The following NLGN1 variants were observed in gnomAD, a reference collection of about 807,000 sequenced individuals.
NLGN1 encodes neuroligin-1.
In NLGN1, 12 loss-of-function variants were observed where a neutral mutation model predicts 65.5. That is an observed-to-expected ratio of 0.18 (90% CI 0.12 to 0.30). The LOEUF (loss-of-function observed/expected upper bound fraction) is 0.30. Ranked by LOEUF, NLGN1 falls within the 10% of genes least tolerant of loss-of-function variation. NLGN1 has a pLI of 1.00. For synonymous variants in NLGN1, 350 were observed against 359.5 expected (o/e 0.97, Z 0.30); for missense variants, 750 against 1,007.1 (o/e 0.74, Z 3.46).
chr3:173,401,637 T>C (rs910696262), intron 1 of NLGN1, among the ~76,000 whole-genome samples: 1 of 151,964 alleles, frequency 6.6e-6, no homozygotes, highest in Non-Finnish European at 1.5e-5. Context: ...AACTGAGAGG[T>C]TGGAAGATAG....
chr3:174,000,383 A>T (rs1043662325), intron 4 of NLGN1, among the ~76,000 whole-genome samples: 6 of 152,148 alleles, frequency 3.9e-5, no homozygotes, highest in Admixed American at 3.9e-4. Flanking sequence ...TAATTTATAT[A>T]TGTAACAAAT....
intron 4 of NLGN1, among the ~76,000 whole-genome samples, chr3:173,826,628 TTAA>T (rs1328545743): frequency 1.3e-5 from 2 of 152,128 alleles, no homozygotes; most frequent in East Asian, 1.9e-4. Flanking sequence ...GCCGAGGGTG[TTAA>T]TGATGATTCA....
intron 4 of NLGN1, among the ~76,000 whole-genome samples, chr3:174,144,857 G>C (rs140476625): frequency 1.3e-5 from 2 of 152,250 alleles, no homozygotes; most frequent in Non-Finnish European, 2.9e-5. Context: ...GTAGGTGGCT[G>C]TTCACTCTAA....
chr3:173,662,744 G>C (rs912615060), intron 3 of NLGN1, among the ~76,000 whole-genome samples: 1 of 151,890 alleles, frequency 6.6e-6, no homozygotes, highest in Non-Finnish European at 1.5e-5. Flanking sequence ...AGACATTTTT[G>C]GTTGTCACAA....
intron 1 of NLGN1, among the ~76,000 whole-genome samples, chr3:173,427,772 T>C (rs1236351665): frequency 6.6e-6 from 1 of 151,824 alleles, no homozygotes; most frequent in Non-Finnish European, 1.5e-5. Flanking sequence ...CTGATGAAAA[T>C]AATATGTATT....
intron 2 of NLGN1, among the ~76,000 whole-genome samples, chr3:173,483,503 C>T (rs548722527): frequency 1.6e-3 from 245 of 152,100 alleles, no homozygotes; most frequent in African/African-American, 5.8e-3. Flanking sequence ...AACAGTTTAT[C>T]ATTCAAACAT....
chr3:174,214,904 T>G (rs911580166), intron 4 of NLGN1, among the ~76,000 whole-genome samples: 1 of 152,118 alleles, frequency 6.6e-6, no homozygotes, highest in Admixed American at 6.5e-5. Context: ...TGTCTAAAAT[T>G]TACCTGAAGC....
intron 4 of NLGN1, among the ~76,000 whole-genome samples, chr3:174,043,720 G>C (rs1188642498): frequency 1.3e-5 from 2 of 152,206 alleles, no homozygotes; most frequent in Non-Finnish European, 2.9e-5. Context: ...TTGAGTGTCT[G>C]TGGCTTTTCC....
At chr3:173,628,078 C>G (rs1755085548) in intron 3 of NLGN1, among the ~76,000 whole-genome samples, 2 of 152,142 alleles carry the variant, frequency 1.3e-5, no homozygotes. Flanking sequence ...AGTTTAAGCA[C>G]TGAAAATAGT....
chr3:173,945,285 A>G (rs1459013355), intron 4 of NLGN1, among the ~76,000 whole-genome samples: 1 of 152,020 alleles, frequency 6.6e-6, no homozygotes, highest in African/African-American at 2.4e-5. Flanking sequence ...CTGTGCAGCT[A>G]TCAGTGTTTC....
At chr3:173,999,888 G>T (rs1722951924) in intron 4 of NLGN1, among the ~76,000 whole-genome samples, 1 of 151,796 alleles carries the variant, frequency 6.6e-6, no homozygotes, top group Non-Finnish European at 1.5e-5. Context: ...ATTTTCAAAA[G>T]AAGAGTAAAA....
At chr3:173,839,078 C>T (rs1724240765) in intron 4 of NLGN1, among the ~76,000 whole-genome samples, 1 of 136,756 alleles carries the variant, frequency 7.3e-6, no homozygotes. Flanking sequence ...TTTTTAACTT[C>T]TTGAATTGGA....
At chr3:173,825,799 T>C (rs1721224747) in intron 4 of NLGN1, among the ~76,000 whole-genome samples, 1 of 152,074 alleles carries the variant, frequency 6.6e-6, no homozygotes, top group African/African-American at 2.4e-5. Context: ...TCAGGCATCT[T>C]TTGCTACAAG....
chr3:174,212,260 C>T (rs1396453378), intron 4 of NLGN1, among the ~76,000 whole-genome samples: 1 of 152,212 alleles, frequency 6.6e-6, no homozygotes, highest in Non-Finnish European at 1.5e-5. Flanking sequence ...TGGCCGGCTG[C>T]TCTGAGTGCG....
At chr3:173,447,679 T>G (rs1720646549) in intron 2 of NLGN1, among the ~76,000 whole-genome samples, 1 of 152,216 alleles carries the variant, frequency 6.6e-6, no homozygotes, top group Admixed American at 6.5e-5. Flanking sequence ...ATATTGATTC[T>G]TCCTACCCAT....
At chr3:173,681,817 C>G (rs993134087) in intron 3 of NLGN1, among the ~76,000 whole-genome samples, 6 of 152,136 alleles carry the variant, frequency 3.9e-5, no homozygotes, top group Admixed American at 6.5e-5. Context: ...CATATGATGC[C>G]ATCAATACAG....
At chr3:173,728,434 T>C (rs577581559) in intron 3 of NLGN1, among the ~76,000 whole-genome samples, 1 of 152,120 alleles carries the variant, frequency 6.6e-6, no homozygotes, top group Non-Finnish European at 1.5e-5. Flanking sequence ...TACTCCATTG[T>C]GTTCTGACCT....
chr3:173,768,301 T>C (rs1376732334), intron 3 of NLGN1, among the ~76,000 whole-genome samples: 1 of 152,190 alleles, frequency 6.6e-6, no homozygotes, highest in Non-Finnish European at 1.5e-5. Flanking sequence ...GCTCTTCTTC[T>C]CCAATCAGAA....
intron 4 of NLGN1, among the ~76,000 whole-genome samples, chr3:173,929,328 G>A (rs951836271): frequency 1.8e-4 from 27 of 152,114 alleles, no homozygotes; most frequent in African/African-American, 6.3e-4. Flanking sequence ...GCACGATATG[G>A]TTGGTGTCAT....
Sources: allele counts gnomAD v4.1 joint callset (sites outside exome capture counted in the v4.1 genomes callset), GRCh38; gene constraint gnomAD v4.1.1; transcripts MANE v1.5; gene names NCBI Gene and HGNC (gene_info 2026-07-23, HGNC 2026-07-21).